Variants in PCDH15 observed in about 807,000 individuals in gnomAD.
PCDH15 encodes protocadherin related 15, also known as protocadherin-15.
PCDH15 carries 129 observed loss-of-function variants against 178.5 expected under a neutral mutation model. The observed-to-expected ratio is 0.72, with a 90% CI of 0.63 to 0.84. The LOEUF is 0.84. Ranked by LOEUF, PCDH15 falls within the 40% of genes least tolerant of loss-of-function variation. PCDH15 has a pLI of 0.00. For missense variants in PCDH15, 2,230 were observed against 2,099.9 expected, an observed-to-expected ratio of 1.06 and a Z score of -1.21; for synonymous variants, 800 against 732.0, an observed-to-expected ratio of 1.09 and a Z score of -1.50.
chr10:54,142,054 A>T (rs2133189886), intron 14 of PCDH15, among the ~76,000 whole-genome samples: 1 of 152,286 alleles, frequency 6.6e-6, no homozygotes, highest in Non-Finnish European at 1.5e-5. Context: ...TGCTTTCAAA[A>T]GTTTGTCAAA....
exon 2 of PCDH15, chr10:55,166,590 C>A (rs1249290721): frequency 2.6e-5 from 4 of 152,058 alleles, no homozygotes; most frequent in African/African-American, 9.7e-5. Context: ...GTGTCGTGTC[C>A]TTTTGTCAAC....
At chr10:53,964,030 A>T (rs1279292048) in intron 21 of PCDH15, among the ~76,000 whole-genome samples, 1 of 152,094 alleles carries the variant, frequency 6.6e-6, no homozygotes, top group East Asian at 1.9e-4. Context: ...TTTCCCTTTC[A>T]CACATTTTCC....
In PCDH15 at chr10:54,043,259, C is replaced by T. The variant is rs138392364; in HGVS notation, c.2221-20062G>A. On this transcript the variant is annotated intron_variant, in intron 18 of 37. Transcript: ENST00000644397. ...AAGCTCAGAACCAGCAATATCAATT[C>T]AGAGGTAAAGAGTAAAAACCAATGA... 9.7e-4 allele frequency among the ~76,000 whole-genome samples: 147 copies of T among 152,188 alleles called. 1 individual carries two copies. Among genetic ancestry groups the T allele is most frequent in the Middle Eastern group, 3.4e-3 (1 of 294 alleles).
At position 54,102,529 on chromosome 10, in the gene PCDH15, G is replaced by A. The variant is rs535510404; in HGVS notation, c.1918-12466C>T. On this transcript the variant is annotated intron_variant, in intron 15 of 37. Coordinates refer to ENST00000644397, the MANE Select transcript of PCDH15 (RefSeq NM_001384140.1). ...TGTTTTATGCTCAGGCCAAATAGGA[G>A]AGTTGAACAGGGATGTGGTGATTAC... Among the ~76,000 whole-genome samples the A allele has an allele frequency of 2.6e-5, 4 of 152,352 alleles. No homozygotes were observed. In the South Asian group the frequency reaches 6.2e-4, roughly 24 times the overall value.
chr10:54,379,666 G>T lies in PCDH15; in HGVS notation c.158-724C>A, dbSNP rs115031920. Among the ~76,000 whole-genome samples, 179 of 152,128 alleles carry T rather than the reference G, an allele frequency of 1.2e-3. 1 individual carries two copies. The highest frequency in any genetic ancestry group is 4.0e-3 in the African/African-American group (168 of 41,528). On this transcript the variant is annotated intron_variant, in intron 3 of 37. Coordinates refer to ENST00000644397, the MANE Select transcript of PCDH15 (RefSeq NM_001384140.1). ...CTCTAACCCTTTCTACTGTGTTAAAGATCCCATGCATTTTACATGTCGAAT... is the reference window on the plus strand; with the variant it reads ...CTCTAACCCTTTCTACTGTGTTAAATATCCCATGCATTTTACATGTCGAAT...
intron 2 of PCDH15, among the ~76,000 whole-genome samples, chr10:55,580,353 T>C (rs898443206): frequency 2.2e-5 from 3 of 138,506 alleles, no homozygotes; most frequent in Non-Finnish European, 4.6e-5. Flanking sequence ...ATTTTTTTTA[T>C]TTTTTTATTT....
intron 18 of PCDH15, among the ~76,000 whole-genome samples, chr10:54,064,124 G>T (rs973458796): frequency 2.0e-5 from 3 of 152,190 alleles, no homozygotes; most frequent in African/African-American, 7.2e-5. Context: ...GCTCTCAAGA[G>T]ACCGAAGTGT....
intron 6 of PCDH15, among the ~76,000 whole-genome samples, chr10:54,344,366 C>T (rs1942841811): frequency 6.6e-6 from 1 of 152,076 alleles, no homozygotes; most frequent in Non-Finnish European, 1.5e-5. Flanking sequence ...CTACACTTCC[C>T]TGGAATGGGG....
rs1225663899 is a variant in PCDH15, at chr10:55,590,214, C to CA, written c.-156+37410dup. Among the ~76,000 whole-genome samples the CA allele has an allele frequency of 2.0e-5, 3 of 149,128 alleles. No homozygotes were observed. In the Admixed American group the frequency reaches 2.0e-4, roughly 10 times the overall value. ...CATTCTCAGTAAACTATCACAAGGA[C>CA]AAAAAACCAAACACCGCATGTTCTC... On this transcript the variant is annotated intron_variant, in intron 2 of 5. Transcript: ENST00000613346.
At chr10:55,192,808 C>A (rs1839979553) in intron 1 of PCDH15, among the ~76,000 whole-genome samples, 1 of 150,834 alleles carries the variant, frequency 6.6e-6, no homozygotes, top group Non-Finnish European at 1.5e-5. Flanking sequence ...CATACATGTA[C>A]ATACATACAT....
At chr10:54,981,817 C>G (rs1330584481) in intron 2 of PCDH15, among the ~76,000 whole-genome samples, 1 of 152,092 alleles carries the variant, frequency 6.6e-6, no homozygotes, top group Non-Finnish European at 1.5e-5. Context: ...ATTCTGCTGC[C>G]CAGGTTGCAG....
rs1948826544 is a variant in PCDH15, at chr10:54,378,890, G to A, written c.210C>T (p.Asp70=). The change falls in exon 4 of 38, where the codon GAC becomes GAT. Residue 70 remains aspartate, a synonymous_variant. Transcript: ENST00000644397. ...MLIKGTAGGP[D]PTIELSLKDN... ...CCTTTAAAGAAAGTTCTATGGTGGG[G>A]TCTGGTCCTCCAGCAGTCCCTTTGA... 1 of 1,613,774 alleles carries A rather than the reference G, an allele frequency of 6.2e-7. No individual in the cohort carries two copies. Among genetic ancestry groups the A allele is most frequent in the Non-Finnish European group, 8.5e-7 (1 of 1,179,806 alleles).
intron 2 of PCDH15, among the ~76,000 whole-genome samples, chr10:54,923,557 A>C (rs568700489): frequency 7.2e-6 from 1 of 138,008 alleles, no homozygotes; most frequent in East Asian, 2.0e-4. Flanking sequence ...ATGTGAGCTT[A>C]TGCTCTTAGA....
At chr10:55,432,614 T>A (rs1316808008) in intron 2 of PCDH15, among the ~76,000 whole-genome samples, 1 of 152,140 alleles carries the variant, frequency 6.6e-6, no homozygotes, top group Non-Finnish European at 1.5e-5. Context: ...CAGAGTTTTT[T>A]CTGGTACATT....
chr10:54,120,769 C>T (rs746630625), intron 15 of PCDH15, among the ~76,000 whole-genome samples: 25 of 152,060 alleles, frequency 1.6e-4, no homozygotes, highest in Non-Finnish European at 2.6e-4. Flanking sequence ...AAACACACCC[C>T]ACATTGTAGA....
intron 1 of PCDH15, among the ~76,000 whole-genome samples, chr10:54,688,336 A>G (rs1386388847): frequency 6.6e-6 from 1 of 152,032 alleles, no homozygotes; most frequent in African/African-American, 2.4e-5. Flanking sequence ...TGGGCTAATC[A>G]TACTAAACAA....
At chr10:55,332,308 T>C (rs115165067) in intron 2 of PCDH15, among the ~76,000 whole-genome samples, 1,634 of 152,252 alleles carry the variant, frequency 0.011, 34 homozygotes, top group African/African-American at 0.037. Context: ...GGATATTTGA[T>C]ACTATTTAAG....
intron 1 of PCDH15, among the ~76,000 whole-genome samples, chr10:54,706,786 G>T (rs990386810): frequency 2.6e-5 from 4 of 152,050 alleles, no homozygotes; most frequent in African/African-American, 9.7e-5. Context: ...ACCATGCCCG[G>T]CTATTTTTTG....
chr10:53,958,915 C>T (rs2087924829), intron 23 of PCDH15, among the ~76,000 whole-genome samples: 1 of 131,696 alleles, frequency 7.6e-6, no homozygotes. Context: ...GGAGGTGGAG[C>T]TTGTAGTGAC....
Sources: gnomAD v4.1 joint callset for allele counts (sites outside exome capture counted in the v4.1 genomes callset) on GRCh38, gnomAD v4.1.1 for gene constraint, MANE v1.5 for transcripts, NCBI Gene and HGNC (gene_info 2026-07-23, HGNC 2026-07-21) for gene names.